DIP2C: variants seen among roughly 807,000 people sequenced by gnomAD.
DIP2C encodes the protein disco-interacting protein 2 homolog C.
In DIP2C, 33 loss-of-function variants were observed where a neutral mutation model predicts 192.4. The observed-to-expected ratio is 0.17, with a 90% CI of 0.13 to 0.23. DIP2C has a LOEUF of 0.23. Among genes scored for constraint, DIP2C ranks in the 10% least tolerant of loss-of-function variants. The probability of loss-of-function intolerance (pLI) is 1.00; values close to 1 mark genes in which losing one functional copy is unlikely to be tolerated. For synonymous variants in DIP2C, 979 were observed against 864.1 expected, an observed-to-expected ratio of 1.13 and a Z score of -2.33; for missense variants, 1,537 against 2,110.1, an observed-to-expected ratio of 0.73 and a Z score of 5.32.
intron 31 of DIP2C, among the ~76,000 whole-genome samples, chr10:317,285 C>T (rs1166730274): frequency 4.6e-5 from 7 of 152,206 alleles, no homozygotes; most frequent in Admixed American, 4.6e-4. Context: ...TCATCAGGAC[C>T]AGCCAAACAC....
intron 17 of DIP2C, among the ~76,000 whole-genome samples, chr10:371,395 G>A (rs984566211): frequency 2.6e-5 from 4 of 152,170 alleles, no homozygotes; most frequent in African/African-American, 4.8e-5. Flanking sequence ...TTGTAAAGGC[G>A]GAAATTGAAG....
At chr10:435,501 C>A (rs966326876) in intron 4 of DIP2C, among the ~76,000 whole-genome samples, 2 of 152,236 alleles carry the variant, frequency 1.3e-5, no homozygotes, top group African/African-American at 2.4e-5. Context: ...CTCACTACAG[C>A]AATTTGTCAA....
At chr10:640,718 CGCGCGGGG>C (rs1564295092) in intron 1 of DIP2C, among the ~76,000 whole-genome samples, 156 of 144,024 alleles carry the variant, frequency 1.1e-3, no homozygotes, top group Non-Finnish European at 1.5e-3. Flanking sequence ...GAAGAGGCTG[CGCGCGGGG>C]AAGAGGGTGG....
At chr10:610,642 C>T (rs990240159) in intron 1 of DIP2C, among the ~76,000 whole-genome samples, 2 of 152,250 alleles carry the variant, frequency 1.3e-5, no homozygotes, top group African/African-American at 2.4e-5. Flanking sequence ...AACGGGGAGC[C>T]AGACATGGTG....
Position 561,626 on chromosome 10 carries a change from T to G in DIP2C, c.86-75096A>C, listed in dbSNP as rs375138378. On this transcript the variant is annotated intron_variant, in intron 1 of 36. Transcript: ENST00000280886. ...GGTAACGCACTGTCTCCAAGGCCCTTTCCCGCCAGTCACAGCTTCCTTCAA... is the reference window on the plus strand; with the variant it reads ...GGTAACGCACTGTCTCCAAGGCCCTGTCCCGCCAGTCACAGCTTCCTTCAA... Among the ~76,000 whole-genome samples the G allele has an allele frequency of 5.9e-5, 9 of 152,230 alleles. No individual in the cohort carries two copies. The East Asian group carries it at 1.4e-3, about 23-fold the overall frequency.
At chr10:305,302 T>C (rs551207242) in intron 32 of DIP2C, among the ~76,000 whole-genome samples, 3 of 152,270 alleles carry the variant, frequency 2.0e-5, no homozygotes, top group East Asian at 1.9e-4. Context: ...AAAACACACA[T>C]GCATGTATGC....
rs1204917883 is a variant in DIP2C at position 655,643 on chromosome 10, TTCTAA to T, written c.85+33846_85+33850del. On this transcript the variant is annotated intron_variant, in intron 1 of 36. Coordinates refer to ENST00000280886, the MANE Select transcript of DIP2C (RefSeq NM_014974.3). The stretch of plus-strand genomic sequence containing the variant: ...TGTAATATTAATACCATGCTGTGTG[TTCTAA>T]TCTAGACTACATTATGCTATGCAAT... 9.2e-5 allele frequency among the ~76,000 whole-genome samples: 14 copies of T among 152,310 alleles called. 1 individual carries two copies. The Middle Eastern group carries it at 0.014, about 148-fold the overall frequency.
Position 419,161 on chromosome 10 carries a change from A to G in DIP2C, c.643T>C (p.Ser215Pro). 6.2e-7 allele frequency: 1 copy of G among 1,614,226 alleles called. No homozygotes were observed. Reference sequence around the variant, plus strand: ...CTCTCCACCTGTATCGAGTGCTCTGAGGTGTACGTGGTTACGTCAGGAGGT... The same window carrying G: ...CTCTCCACCTGTATCGAGTGCTCTGGGGTGTACGTGGTTACGTCAGGAGGT... ...SAPPDVTTYT[S>P]EHSIQVERPQ... The change falls in exon 6 of 37, where the codon TCA (serine) becomes CCA (proline). Residue 215 changes from serine to proline, a missense_variant. Ser to Pro is a moderately conservative substitution (Grantham distance 74). Around this residue, in one of 4 missense-constraint regions of DIP2C, gnomAD observed 473 missense variants for 539.6 expected, o/e 0.88. Coordinates refer to ENST00000280886, the MANE Select transcript of DIP2C (RefSeq NM_014974.3).
rs1448776615 is a variant in DIP2C at position 316,291 on chromosome 10, AC to A, written c.3925-6200del. Among the ~76,000 whole-genome samples, 4 of 152,336 alleles carry A rather than the reference AC, an allele frequency of 2.6e-5. No individual in the cohort carries two copies. The East Asian group carries it at 7.7e-4, about 29-fold the overall frequency. On this transcript the variant is annotated intron_variant, in intron 31 of 36. Coordinates refer to ENST00000280886, the MANE Select transcript of DIP2C (RefSeq NM_014974.3). Reference sequence around the variant, plus strand: ...GAACAGTAAAGATTAAATAACATTTACCCCCAGAAAAGAATTTACAAGCCTA... The same window carrying A: ...GAACAGTAAAGATTAAATAACATTTACCCCAGAAAAGAATTTACAAGCCTA...
rs1963402895 is a variant in DIP2C, at chr10:390,812, C to T, written c.1312G>A (p.Val438Ile). The change falls in exon 11 of 37, where the codon GTA becomes ATA. Residue 438 changes from valine (V) to isoleucine (I), a missense_variant. By Grantham distance (29) the Val-to-Ile change is conservative. This residue lies in a region of DIP2C where 677 missense variants were observed against 989.9 expected (regional missense o/e 0.68). Coordinates refer to ENST00000280886, the MANE Select transcript of DIP2C (RefSeq NM_014974.3). ...TGGCAGGCGTCACTAGTCAAGGCTA[C>T]AGTAACTCCACAGCTTCCAAGCAAG... Reference protein sequence around the residue: ...GFLLGSCGVTVALTSDACHKG... With the variant: ...GFLLGSCGVTIALTSDACHKG... 2 of 1,614,050 alleles carry T rather than the reference C, an allele frequency of 1.2e-6. No homozygotes were observed. Among genetic ancestry groups the T allele is most frequent in the Non-Finnish European group, 8.5e-7 (1 of 1,180,034 alleles).
chr10:464,578 T>C (rs1970058126), intron 3 of DIP2C, among the ~76,000 whole-genome samples: 1 of 152,148 alleles, frequency 6.6e-6, no homozygotes, highest in Admixed American at 6.5e-5. Context: ...TGGTGATTCC[T>C]CAAGGATCTA....
intron 1 of DIP2C, among the ~76,000 whole-genome samples, chr10:593,380 T>G (rs557521016): frequency 6.6e-6 from 1 of 152,164 alleles, no homozygotes; most frequent in African/African-American, 2.4e-5. Context: ...ACCTTAGTGA[T>G]AATTTATCCT....
intron 1 of DIP2C, chr10:668,067 C>T (rs1857214380): frequency 6.6e-6 from 1 of 152,116 alleles, no homozygotes; most frequent in Non-Finnish European, 1.5e-5. Context: ...ATACAACACA[C>T]TCATACAACA....
chr10:576,521 A>G (rs1184439559), intron 1 of DIP2C, among the ~76,000 whole-genome samples: 1 of 152,214 alleles, frequency 6.6e-6, no homozygotes, highest in Non-Finnish European at 1.5e-5. Context: ...CTAAATTAGC[A>G]TGTACATACA....
At chr10:580,095 ATTTG>A (rs1850510729) in intron 1 of DIP2C, among the ~76,000 whole-genome samples, 1 of 152,162 alleles carries the variant, frequency 6.6e-6, no homozygotes, top group Non-Finnish European at 1.5e-5. Flanking sequence ...ACACATGCAC[ATTTG>A]TATGTACATA....
chr10:410,566 G>C (rs1036575366), intron 8 of DIP2C, among the ~76,000 whole-genome samples: 4 of 152,196 alleles, frequency 2.6e-5, no homozygotes, highest in African/African-American at 9.6e-5. Flanking sequence ...TGTGGCTTCA[G>C]ATTTCTTTAA....
At chr10:456,003 G>A (rs1969261642) in intron 3 of DIP2C, among the ~76,000 whole-genome samples, 1 of 51,680 alleles carries the variant, frequency 1.9e-5, no homozygotes, top group South Asian at 1.0e-3. Context: ...CCCTGCCTGA[G>A]GGGAGACTGT....
In DIP2C at chr10:523,448, A is replaced by G. The variant is rs1200409388; in HGVS notation, c.86-36918T>C. Among the ~76,000 whole-genome samples, 9 of 123,656 alleles carry G rather than the reference A, an allele frequency of 7.3e-5. 1 individual carries two copies. The highest frequency in any genetic ancestry group is 9.9e-5 in the African/African-American group (3 of 30,452). 81.1% of individuals were successfully genotyped at this position (123,656 alleles called of 152,430 possible). On this transcript the variant is annotated intron_variant, in intron 1 of 36. Coordinates refer to ENST00000280886, the MANE Select transcript of DIP2C (RefSeq NM_014974.3). The stretch of plus-strand genomic sequence containing the variant: ...TGCAGGGGCTCTGTGTCACCCACAC[A>G]CTCGTTTCTACTGGATGCAAAGGAC...
intron 1 of DIP2C, among the ~76,000 whole-genome samples, chr10:507,608 T>TC (rs1463985697): frequency 6.6e-6 from 1 of 152,262 alleles, no homozygotes; most frequent in Non-Finnish European, 1.5e-5. Context: ...TCCTGATGTT[T>TC]CCAGTGTCAT....
Sources: gnomAD v4.1 joint callset for allele counts (sites outside exome capture counted in the v4.1 genomes callset) on GRCh38, gnomAD v4.1.1 for gene constraint, gnomAD v4.1.1 regional missense constraint, MANE v1.5 for transcripts, NCBI Gene and HGNC (gene_info 2026-07-23, HGNC 2026-07-21) for gene names.